Variants in IL20RB observed in about 807,000 individuals in gnomAD.
The protein encoded by IL20RB is interleukin 20 receptor subunit beta.
In IL20RB, 21 loss-of-function variants were observed where a neutral mutation model predicts 33.3. That is an observed-to-expected ratio of 0.63 (90% CI 0.45 to 0.91). The LOEUF (loss-of-function observed/expected upper bound fraction) is 0.91. IL20RB is among the 40% of genes least tolerant of loss of function. IL20RB has a pLI of 0.00. For missense variants in IL20RB, 345 were observed against 384.8 expected (o/e 0.90, Z 0.86); for synonymous variants, 147 against 146.8 (o/e 1.00, Z -0.01).
intron 1 of IL20RB, among the ~76,000 whole-genome samples, chr3:136,976,534 TGTGACTAA>T (rs1362715075): frequency 6.6e-6 from 1 of 152,200 alleles, no homozygotes; most frequent in Admixed American, 6.5e-5. Flanking sequence ...CCCACCAGCT[TGTGACTAA>T]GTCCCAGTGG....
chr3:136,996,840 G>A (rs1436388012), intron 6 of IL20RB, among the ~76,000 whole-genome samples: 2 of 152,114 alleles, frequency 1.3e-5, no homozygotes, highest in African/African-American at 4.8e-5. Flanking sequence ...AAGGCAATGG[G>A]ATATATCATA....
chr3:136,959,763 A>C (rs1157841904), intron 1 of IL20RB, among the ~76,000 whole-genome samples: 1 of 152,222 alleles, frequency 6.6e-6, no homozygotes, highest in Non-Finnish European at 1.5e-5. Flanking sequence ...AATCACAAGG[A>C]TGTCATAGCC....
chr3:136,960,902 G>A (rs912059789), intron 1 of IL20RB, among the ~76,000 whole-genome samples: 4 of 152,222 alleles, frequency 2.6e-5, no homozygotes, highest in African/African-American at 9.6e-5. Context: ...AGAGGTAAAG[G>A]TGGCAGAAGA....
intron 4 of IL20RB, among the ~76,000 whole-genome samples, chr3:136,991,651 C>T (rs1942032353): frequency 6.6e-6 from 1 of 152,212 alleles, no homozygotes; most frequent in African/African-American, 2.4e-5. Context: ...CTCTGTCGCC[C>T]AAGCTGGAGT....
At chr3:136,983,939 C>A (rs1296571991) in intron 3 of IL20RB, among the ~76,000 whole-genome samples, 1 of 152,104 alleles carries the variant, frequency 6.6e-6, no homozygotes, top group Non-Finnish European at 1.5e-5. Flanking sequence ...TGGGCTCAAG[C>A]GATCCTCCTG....
chr3:136,983,012 G>A (rs564652015), intron 3 of IL20RB, among the ~76,000 whole-genome samples: 2 of 152,180 alleles, frequency 1.3e-5, no homozygotes, highest in South Asian at 2.1e-4. Context: ...TGATCATGTG[G>A]TGAAGGGCTT....
intron 6 of IL20RB, among the ~76,000 whole-genome samples, chr3:137,003,809 T>TC (rs1453731618): frequency 6.6e-6 from 1 of 152,218 alleles, no homozygotes; most frequent in African/African-American, 2.4e-5. Context: ...CTATGTTGAA[T>TC]AGGAGTGGTG....
chr3:136,983,570 A>C (rs1941833203), intron 3 of IL20RB, among the ~76,000 whole-genome samples: 2 of 152,218 alleles, frequency 1.3e-5, no homozygotes, highest in South Asian at 4.1e-4. Context: ...TTTAGAAAGG[A>C]CAGAGCTTAG....
Position 136,992,210 on chromosome 3 carries a change from T to G in IL20RB, c.682+122T>G, listed in dbSNP as rs114404634. On this transcript the variant is annotated intron_variant, in intron 5 of 6. Coordinates refer to ENST00000329582, the MANE Select transcript of IL20RB (RefSeq NM_144717.4). ...TCCTTGATTTCACTGACCTCCCTCA[T>G]GGACTGGGTGGGTTCCCATAGTGAA... is the stretch of plus-strand genomic sequence containing the variant. 344 of 1,016,410 alleles carry G rather than the reference T, an allele frequency of 3.4e-4. No homozygotes were observed. In the African/African-American group the frequency reaches 4.7e-3, roughly 14 times the overall value. 63.0% of individuals were successfully genotyped at this position (1,016,410 alleles called of 1,614,324 possible).
intron 1 of IL20RB, among the ~76,000 whole-genome samples, chr3:136,961,436 A>C (rs1941214194): frequency 6.6e-6 from 1 of 151,818 alleles, no homozygotes; most frequent in African/African-American, 2.4e-5. Context: ...CTTCACAGCT[A>C]GAGATTCTGA....
chr3:136,986,713 T>G (rs1163651848), intron 3 of IL20RB: 1 of 456,848 alleles, frequency 2.2e-6, no homozygotes, highest in South Asian at 1.5e-5. Flanking sequence ...TTCTTCTGAG[T>G]GTCCACTTGT....
intron 1 of IL20RB, among the ~76,000 whole-genome samples, chr3:136,966,829 C>T (rs1174995223): frequency 4.2e-5 from 2 of 48,078 alleles, no homozygotes; most frequent in Non-Finnish European, 3.7e-5. Context: ...CTCTTCTGGG[C>T]ATTTAGTGCT....
At chr3:137,000,135 A>AT (rs1306060558) in intron 6 of IL20RB, among the ~76,000 whole-genome samples, 6 of 152,102 alleles carry the variant, frequency 3.9e-5, no homozygotes, top group East Asian at 1.9e-4. Context: ...AAAACTATTG[A>AT]TTTTTTTTGT....
At chr3:137,003,704 A>G (rs954345980) in intron 6 of IL20RB, among the ~76,000 whole-genome samples, 10 of 152,214 alleles carry the variant, frequency 6.6e-5, no homozygotes, top group African/African-American at 2.2e-4. Context: ...CAATCATGTC[A>G]TCTGCAAACA....
In IL20RB at chr3:136,995,459, T is replaced by G. The variant is rs1266899618; in HGVS notation, c.728T>G (p.Phe243Cys). The G allele has an allele frequency of 6.2e-7, 1 of 1,614,156 alleles. No homozygotes were observed. The highest frequency in any genetic ancestry group is 2.2e-5 in the East Asian group (1 of 44,878). The change falls in exon 6 of 7, where the codon TTC becomes TGC. Residue 243 changes from phenylalanine to cysteine, a missense_variant. Coordinates refer to ENST00000329582, the MANE Select transcript of IL20RB (RefSeq NM_144717.4). ...CTGGCCCTGTTTGCCTTTGTTGGCT[T>G]CATGCTGATCCTTGTGGTCGTGCCA... ...LVLALFAFVG[F>C]MLILVVVPLF...
rs1390187695 is a variant in IL20RB, at chr3:136,960,952, G to A, written c.88+2751G>A. 3.3e-5 allele frequency among the ~76,000 whole-genome samples: 5 copies of A among 152,238 alleles called. No individual in the cohort carries two copies. In the South Asian group the frequency reaches 6.2e-4, roughly 19 times the overall value. ...GGAGTGGACATCAGGCCCACTGAGC[G>A]TCCTTCAGAGAAGAGATGCAAAGAT... On this transcript the variant is annotated intron_variant, in intron 1 of 6. Transcript: ENST00000329582.
chr3:136,995,621 G>A, intron 6 of IL20RB, 65 bp downstream of exon 6: 2 of 1,470,582 alleles, frequency 1.4e-6, no homozygotes, highest in Non-Finnish European at 1.9e-6. Context: ...GGCCTTAGCT[G>A]GGCATGGGCA....
At chr3:137,001,394 A>C (rs1398587821) in intron 6 of IL20RB, among the ~76,000 whole-genome samples, 1 of 152,238 alleles carries the variant, frequency 6.6e-6, no homozygotes, top group Admixed American at 6.5e-5. Context: ...GAAGCAGATC[A>C]CTAGCGTCCA....
At chr3:137,010,068 A>T in intron 6 of IL20RB, 45 bp from the exon 7 acceptor site, 1 of 867,746 alleles carries the variant, frequency 1.2e-6, no homozygotes, top group Non-Finnish European at 2.0e-6. Flanking sequence ...TAGTATTACT[A>T]CTACTGCTAT....
Sources: allele counts gnomAD v4.1 joint callset (sites outside exome capture counted in the v4.1 genomes callset), GRCh38; gene constraint gnomAD v4.1.1; transcripts MANE v1.5; gene names NCBI Gene and HGNC (gene_info 2026-07-23, HGNC 2026-07-21).